Variants in C3orf18 observed in about 807,000 individuals in gnomAD.
C3orf18 encodes the protein uncharacterized protein C3orf18.
A neutral mutation model predicts 14.1 loss-of-function variants in C3orf18; 12 were observed. The observed-to-expected ratio is 0.85, with a 90% confidence interval of 0.55 to 1.38. The LOEUF is 1.38. Among genes scored for constraint, C3orf18 ranks in the 40% most tolerant of loss-of-function variants. The pLI, the probability that C3orf18 is intolerant of heterozygous loss-of-function variation, is 0.00. For synonymous variants in C3orf18, 82 were observed against 87.9 expected, an observed-to-expected ratio of 0.93 and a Z score of 0.38; for missense variants, 196 against 213.9, an observed-to-expected ratio of 0.92 and a Z score of 0.52.
At chr3:50,561,086 G>T in intron 4 of C3orf18, 22 bp from the exon 5 acceptor site, 1 of 1,611,684 alleles carries the variant, frequency 6.2e-7, no homozygotes, top group South Asian at 1.1e-5. Context: ...GGCAAAGGCT[G>T]CTGGGGACAG....
chr3:50,558,685 C>G lies in C3orf18; in HGVS notation c.*972G>C. 7.8e-7 allele frequency: 1 copy of G among 1,285,072 alleles called. No individual in the cohort carries two copies. Among genetic ancestry groups the G allele is most frequent in the Non-Finnish European group, 1.0e-6 (1 of 985,664 alleles). 79.6% of individuals were successfully genotyped at this position (1,285,072 alleles called of 1,614,324 possible). ...CTCATTAGAGCCCAAGACAGGGAGCCGTTTTCAGAAGCAGGTGAGCCCAGT... is the reference window on the plus strand; with the variant it reads ...CTCATTAGAGCCCAAGACAGGGAGCGGTTTTCAGAAGCAGGTGAGCCCAGT... On this transcript the variant is annotated 3_prime_UTR_variant, in exon 6 of 6. Coordinates refer to ENST00000357203, the MANE Select transcript of C3orf18 (RefSeq NM_016210.5).
Position 50,565,849 on chromosome 3 carries a change from G to A in C3orf18, c.-150C>T. 1.6e-6 allele frequency: 1 copy of A among 608,484 alleles called. No individual in the cohort carries two copies. The highest frequency in any genetic ancestry group is 2.8e-5 in the East Asian group (1 of 36,358). The allele number at this position is 608,484 out of a possible 1,614,324, so 37.7% of individuals were successfully genotyped here. A position where few individuals can be genotyped will look rare whatever the true frequency, so the allele number is the denominator to read the frequency against. Reference sequence around the variant, plus strand: ...CCTCCTTGGATAAAGGGAGCCCCCTGCCTTCCTGGGTGCTAGAAAGGAAAG... The same window carrying A: ...CCTCCTTGGATAAAGGGAGCCCCCTACCTTCCTGGGTGCTAGAAAGGAAAG... On this transcript the variant is annotated 5_prime_UTR_variant, in exon 3 of 6. Coordinates refer to ENST00000357203, the MANE Select transcript of C3orf18 (RefSeq NM_016210.5). The surrounding 1 kb of genome is among the most constrained non-coding windows in gnomAD (Gnocchi z 4.4).
upstream of C3orf18, chr3:50,570,548 T>C (rs543194264): frequency 6.6e-6 from 1 of 152,450 alleles, no homozygotes; most frequent in Admixed American, 6.5e-5. Context: ...TGGATATTCA[T>C]AGACTAATGC....
chr3:50,560,595 A>G (rs1036202253), intron 5 of C3orf18, among the ~76,000 whole-genome samples: 1 of 152,204 alleles, frequency 6.6e-6, no homozygotes, highest in Non-Finnish European at 1.5e-5. Context: ...GTGGGGGCAC[A>G]TGGGGCAAGA....
chr3:50,558,598 C>T lies in C3orf18; in HGVS notation c.*1059G>A, dbSNP rs1699788714. On this transcript the variant is annotated 3_prime_UTR_variant, in exon 6 of 6. Coordinates refer to ENST00000357203, the MANE Select transcript of C3orf18 (RefSeq NM_016210.5). ...CCACTTTCAGGCAGTCATAACTGCC[C>T]CCTCTAGCCTGCAGCCTGTGATTAC... The T allele has an allele frequency of 1.1e-6, 1 of 929,660 alleles. No individual in the cohort carries two copies. The highest frequency in any genetic ancestry group is 1.6e-5 in the South Asian group (1 of 60,876). 57.6% of individuals were successfully genotyped at this position (929,660 alleles called of 1,614,324 possible). A position where few individuals can be genotyped will look rare whatever the true frequency, so the allele number is the denominator to read the frequency against.
intron 3 of C3orf18, chr3:50,562,293 G>T (rs1178535295): frequency 5.6e-6 from 2 of 359,992 alleles, no homozygotes; most frequent in African/African-American, 4.3e-5. Flanking sequence ...ACACAGTTAG[G>T]CCCGGCCTGG....
chr3:50,563,444 T>C (rs1378362933), intron 3 of C3orf18, among the ~76,000 whole-genome samples: 5 of 152,126 alleles, frequency 3.3e-5, no homozygotes, highest in African/African-American at 1.2e-4. Context: ...CCATGCCTTT[T>C]CCCCTCTTCC....
Position 50,565,534 on chromosome 3 carries a change from T to G in C3orf18, c.166A>C (p.Thr56Pro), listed in dbSNP as rs1161680677. 1 of 1,613,990 alleles carries G rather than the reference T, an allele frequency of 6.2e-7. No individual in the cohort carries two copies. Among genetic ancestry groups the G allele is most frequent in the East Asian group, 2.2e-5 (1 of 44,880 alleles). The change falls in exon 3 of 6, where the codon ACG (threonine) becomes CCG (proline). Residue 56 changes from threonine to proline, a missense_variant. Physicochemically the swap from Thr to Pro is conservative, Grantham distance 38 (BLOSUM62 -1). Coordinates refer to ENST00000357203, the MANE Select transcript of C3orf18 (RefSeq NM_016210.5). The surrounding 1 kb of genome is among the most constrained non-coding windows in gnomAD (Gnocchi z 4.4). ...DTRIPDAAGGTAGVGTMLLSF... is the reference protein window; with the variant it reads ...DTRIPDAAGGPAGVGTMLLSF... ...AGAAGCATGGTACCCACGCCGGCCG[T>G]GCCACCAGCTGCATCAGGGATTCTG...
chr3:50,559,189 G>C lies in C3orf18; in HGVS notation c.*468C>G. ...CCCATAACAGATGCTGCCCTACCCTGTCCCTATAACTTGGGTGGTTTCCTC... is the reference window on the plus strand; with the variant it reads ...CCCATAACAGATGCTGCCCTACCCTCTCCCTATAACTTGGGTGGTTTCCTC... On this transcript the variant is annotated 3_prime_UTR_variant, in exon 6 of 6. Transcript: ENST00000357203. 1 of 1,289,874 alleles carries C rather than the reference G, an allele frequency of 7.8e-7. No homozygotes were observed. Among genetic ancestry groups the C allele is most frequent in the Non-Finnish European group, 1.0e-6 (1 of 989,130 alleles). The allele number at this position is 1,289,874 out of a possible 1,614,324, so 79.9% of individuals were successfully genotyped here.
chr3:50,572,873 G>A (rs1701166250), upstream of C3orf18, among the ~76,000 whole-genome samples: 2 of 152,220 alleles, frequency 1.3e-5, no homozygotes, highest in African/African-American at 4.8e-5. Flanking sequence ...CCTTGTAGAT[G>A]ACAGAGCTGG....
At chr3:50,567,220 C>T (rs1700363880) in intron 1 of C3orf18, among the ~76,000 whole-genome samples, 1 of 152,172 alleles carries the variant, frequency 6.6e-6, no homozygotes, top group South Asian at 2.1e-4. Context: ...TGCCCTGGGG[C>T]TCTGTTAACA....
upstream of C3orf18, chr3:50,570,215 G>A (rs764863435): frequency 6.6e-6 from 1 of 152,246 alleles, no homozygotes; most frequent in Non-Finnish European, 1.5e-5. Context: ...ATCTGAAGAT[G>A]TGGCACTTAG....
intron 1 of C3orf18, among the ~76,000 whole-genome samples, chr3:50,566,957 T>G (rs1700344684): frequency 6.6e-6 from 1 of 152,152 alleles, no homozygotes. Context: ...CATCCCCCTG[T>G]GCTGGTTCAT....
chr3:50,564,634 C>T (rs2107291916), intron 3 of C3orf18, among the ~76,000 whole-genome samples: 1 of 152,300 alleles, frequency 6.6e-6, no homozygotes, highest in South Asian at 2.1e-4. Context: ...CTGTAAGAAC[C>T]ACAGGGCAGG....
In C3orf18 at chr3:50,560,956, A is replaced by T. The variant is rs1252943971; in HGVS notation, c.369T>A (p.Ser123=). Residue 123 remains serine (S), a synonymous_variant, in exon 5 of 6, where the codon TCT becomes TCA. Coordinates refer to ENST00000357203, the MANE Select transcript of C3orf18 (RefSeq NM_016210.5). ...ELLEHGRDAA[S]VQAATSVQAM... is the part of the protein sequence containing the mutation. Reference sequence around the variant, plus strand: ...CCTGCACAGAAGTAGCAGCCTGTACAGAGGCGGCGTCCCGCCCATGCTCCA... The same window carrying T: ...CCTGCACAGAAGTAGCAGCCTGTACTGAGGCGGCGTCCCGCCCATGCTCCA... The T allele has an allele frequency of 1.9e-6, 3 of 1,614,074 alleles. No homozygotes were observed. The South Asian group carries it at 3.3e-5, about 18-fold the overall frequency.
intron 4 of C3orf18, among the ~76,000 whole-genome samples, 165 bp from the exon 5 acceptor site, chr3:50,561,229 A>G (rs1344460312): frequency 6.6e-6 from 1 of 152,240 alleles, no homozygotes; most frequent in Non-Finnish European, 1.5e-5. Flanking sequence ...TTGCACCTAT[A>G]GTACCAGCTC....
chr3:50,560,811 T>C (rs1251894530), intron 5 of C3orf18, 106 bp downstream of exon 5: 4 of 1,266,198 alleles, frequency 3.2e-6, no homozygotes, highest in Non-Finnish European at 4.4e-6. Context: ...ATACCTGCCA[T>C]CTGACCACAA....
At chr3:50,569,215 G>C (rs969090760), upstream of C3orf18, 2 of 152,314 alleles carry the variant, frequency 1.3e-5, no homozygotes, top group Middle Eastern at 3.2e-3. Flanking sequence ...ACGCCAGCTC[G>C]GAGCAATCCC....
At position 50,559,331 on chromosome 3, in the gene C3orf18, T is replaced by G; in HGVS notation, c.*326A>C. Reference sequence around the variant, plus strand: ...CCGTATCTCCCTCATTTCCTCCACATTAGCGGGGCAGACCCTGATGTGAGG... The same window carrying G: ...CCGTATCTCCCTCATTTCCTCCACAGTAGCGGGGCAGACCCTGATGTGAGG... On this transcript the variant is annotated 3_prime_UTR_variant, in exon 6 of 6. Coordinates refer to ENST00000357203, the MANE Select transcript of C3orf18 (RefSeq NM_016210.5). The G allele has an allele frequency of 7.9e-7, 1 of 1,269,152 alleles. No homozygotes were observed. Among genetic ancestry groups the G allele is most frequent in the African/African-American group, 1.5e-5 (1 of 65,536 alleles). The allele number at this position is 1,269,152 out of a possible 1,614,324, so 78.6% of individuals were successfully genotyped here.
Sources: allele counts gnomAD v4.1 joint callset (sites outside exome capture counted in the v4.1 genomes callset), GRCh38; gene constraint gnomAD v4.1.1; non-coding constraint Gnocchi (gnomAD v3.1); transcripts MANE v1.5; gene names NCBI Gene and HGNC (gene_info 2026-07-23, HGNC 2026-07-21).